The following KIAA1217 variants were observed in gnomAD, a reference collection of about 807,000 sequenced individuals.
KIAA1217 encodes sickle tail protein homolog.
A neutral mutation model predicts 163.9 loss-of-function variants in KIAA1217; 88 were observed. The observed-to-expected ratio is 0.54, with a 90% confidence interval of 0.45 to 0.64. The LOEUF (loss-of-function observed/expected upper bound fraction) is 0.64, where lower values mean the gene tolerates loss of function less well. KIAA1217 is among the 30% of genes least tolerant of loss of function. KIAA1217 has a pLI of 0.00. For synonymous variants in KIAA1217, 903 were observed against 923.1 expected (o/e 0.98, Z 0.39); for missense variants, 2,372 against 2,475.0 (o/e 0.96, Z 0.88).
At chr10:24,050,801 T>C (rs763702092) in intron 2 of KIAA1217, among the ~76,000 whole-genome samples, 12 of 152,160 alleles carry the variant, frequency 7.9e-5, no homozygotes, top group Non-Finnish European at 1.3e-4. Context: ...GGTACACTAG[T>C]TTGAATCAAT....
rs1257531009 is a variant in KIAA1217, at chr10:23,790,539, A to G, written c.-321+95305A>G. On this transcript the variant is annotated intron_variant, in intron 1 of 18. Transcript: ENST00000376462. Reference sequence around the variant, plus strand: ...TGTATATATACATATATACATATACATGTGCATATATACATATGTACATAT... The same window carrying G: ...TGTATATATACATATATACATATACGTGTGCATATATACATATGTACATAT... 7.7e-5 allele frequency among the ~76,000 whole-genome samples: 7 copies of G among 90,930 alleles called. 2 individuals carry two copies. Among genetic ancestry groups the G allele is most frequent in the Non-Finnish European group, 1.2e-4 (6 of 50,922 alleles). The allele number at this position is 90,930 out of a possible 152,430, so 59.7% of individuals were successfully genotyped here.
Position 24,545,828 on chromosome 10 carries a change from C to T in KIAA1217, c.5336C>T (p.Ala1779Val), listed in dbSNP as rs2075685726. Reference protein sequence around the residue: ...KLQDPRQYRQANGSAKKSGGD... With the variant: ...KLQDPRQYRQVNGSAKKSGGD... ...GTCTCCCGCCATCTTTATTTGCAGG[C>T]TAATGGAAGTGCTAAGAAATCTGGT... Residue 1779 changes from alanine to valine, a missense_variant and splice_region_variant, in exon 21 of 21, where the codon GCT (alanine) becomes GTT (valine). Around this residue, in one of 3 missense-constraint regions of KIAA1217, gnomAD observed 690 missense variants for 677.5 expected, o/e 1.02. Transcript: ENST00000376454. 2 of 1,586,152 alleles carry T rather than the reference C, an allele frequency of 1.3e-6. No homozygotes were observed. The highest frequency in any genetic ancestry group is 1.7e-6 in the Non-Finnish European group (2 of 1,167,446).
chr10:24,186,233 A>G (rs1231121770), intron 2 of KIAA1217, among the ~76,000 whole-genome samples: 1 of 152,148 alleles, frequency 6.6e-6, no homozygotes, highest in Non-Finnish European at 1.5e-5. Context: ...TTGGACTTCC[A>G]ATATTTCCTC....
intron 1 of KIAA1217, among the ~76,000 whole-genome samples, chr10:23,918,283 C>T (rs1456297707): frequency 6.6e-6 from 1 of 151,822 alleles, no homozygotes; most frequent in Non-Finnish European, 1.5e-5. Context: ...GCATGAGCCG[C>T]TGTGCCCTAC....
chr10:24,500,090 G>A (rs2067333971), intron 8 of KIAA1217, among the ~76,000 whole-genome samples: 1 of 152,162 alleles, frequency 6.6e-6, no homozygotes, highest in Non-Finnish European at 1.5e-5. Flanking sequence ...CCACACTATA[G>A]CCACTCCAGG....
intron 1 of KIAA1217, among the ~76,000 whole-genome samples, chr10:23,841,961 A>G (rs1171693009): frequency 6.6e-6 from 1 of 151,738 alleles, no homozygotes; most frequent in Non-Finnish European, 1.5e-5. Context: ...TCTGCCTCCC[A>G]GGTTCAAGCT....
chr10:24,084,910 C>CT (rs1197313508), intron 2 of KIAA1217, among the ~76,000 whole-genome samples: 7,957 of 123,798 alleles, frequency 0.064, 479 homozygotes, highest in African/African-American at 0.12. Flanking sequence ...GCAGAGTTTA[C>CT]TTTTTTTTTT....
intron 2 of KIAA1217, among the ~76,000 whole-genome samples, chr10:24,337,919 A>C (rs1038277793): frequency 6.6e-6 from 1 of 152,106 alleles, no homozygotes; most frequent in African/African-American, 2.4e-5. Flanking sequence ...CTGGGATTCC[A>C]GGCATGAGCC....
chr10:24,027,090 A>G (rs1332398465), intron 2 of KIAA1217, among the ~76,000 whole-genome samples: 1 of 151,950 alleles, frequency 6.6e-6, no homozygotes, highest in Admixed American at 6.6e-5. Flanking sequence ...CTTATTTTTA[A>G]TTTAATTCTG....
At chr10:24,211,375 T>C (rs2068060122) in intron 1 of KIAA1217, among the ~76,000 whole-genome samples, 3 of 140,856 alleles carry the variant, frequency 2.1e-5, no homozygotes, top group Non-Finnish European at 4.6e-5. Flanking sequence ...TTTTTTTTTT[T>C]TTTTTTTTTT....
intron 2 of KIAA1217, among the ~76,000 whole-genome samples, chr10:24,200,113 G>A (rs1459281284): frequency 1.3e-5 from 2 of 151,664 alleles, no homozygotes; most frequent in South Asian, 2.1e-4. Flanking sequence ...GCTGCTACGC[G>A]GTCTGCTCTG....
chr10:23,718,692 TTC>T (rs1837702465), intron 1 of KIAA1217, among the ~76,000 whole-genome samples: 1 of 152,140 alleles, frequency 6.6e-6, no homozygotes, highest in East Asian at 1.9e-4. Flanking sequence ...GTGATAGGAT[TTC>T]TCTTTGTTAA....
intron 17 of KIAA1217, 111 bp from the exon 18 acceptor site, chr10:24,542,582 T>C: frequency 6.4e-7 from 1 of 1,551,646 alleles, no homozygotes; most frequent in Non-Finnish European, 8.8e-7. Flanking sequence ...GTAAGAAATA[T>C]GCGTGGCCCG....
At chr10:24,321,683 T>C (rs2044179427) in intron 2 of KIAA1217, among the ~76,000 whole-genome samples, 1 of 152,090 alleles carries the variant, frequency 6.6e-6, no homozygotes, top group East Asian at 1.9e-4. Flanking sequence ...ACAAATAGTA[T>C]AGGATTCCAC....
At chr10:24,418,993 A>G (rs939208912) in intron 3 of KIAA1217, among the ~76,000 whole-genome samples, 11 of 152,052 alleles carry the variant, frequency 7.2e-5, no homozygotes, top group African/African-American at 2.4e-4. Context: ...CCTGGCCAAC[A>G]TGGTGAAACC....
At chr10:24,014,832 G>A (rs1329214430) in intron 2 of KIAA1217, among the ~76,000 whole-genome samples, 1 of 151,978 alleles carries the variant, frequency 6.6e-6, no homozygotes, top group Admixed American at 6.6e-5. Flanking sequence ...GTTTTTCTAA[G>A]CAGTGTTAAA....
At chr10:24,059,361 G>A (rs1371302400) in intron 2 of KIAA1217, among the ~76,000 whole-genome samples, 3 of 151,976 alleles carry the variant, frequency 2.0e-5, no homozygotes, top group Admixed American at 6.6e-5. Context: ...GTTCTTATGT[G>A]GCTTTGGTAT....
chr10:24,021,092 G>A (rs917718302), intron 2 of KIAA1217, among the ~76,000 whole-genome samples: 10 of 151,832 alleles, frequency 6.6e-5, no homozygotes, highest in Admixed American at 6.6e-5. Flanking sequence ...GGAAAGAAAT[G>A]TATAAAGAAT....
intron 1 of KIAA1217, among the ~76,000 whole-genome samples, chr10:23,809,502 G>T (rs539443960): frequency 3.8e-4 from 58 of 151,420 alleles, no homozygotes; most frequent in Non-Finnish European, 7.5e-4. Flanking sequence ...AGTGAGGTAA[G>T]AAGAAAAAAA....
Sources: allele counts gnomAD v4.1 joint callset (sites outside exome capture counted in the v4.1 genomes callset), GRCh38; gene constraint gnomAD v4.1.1; regional missense constraint gnomAD v4.1.1; transcripts MANE v1.5; gene names NCBI Gene and HGNC (gene_info 2026-07-23, HGNC 2026-07-21).